The following KIAA1958 variants were observed in gnomAD, a reference collection of about 807,000 sequenced individuals.
KIAA1958 encodes the protein uncharacterized protein KIAA1958.
KIAA1958 carries 14 observed loss-of-function variants against 47.2 expected under a neutral mutation model. The ratio of observed to expected loss-of-function variants is 0.30; its 90% confidence interval spans 0.20 to 0.46. KIAA1958 has a LOEUF of 0.46. KIAA1958 is among the 20% of genes least tolerant of loss of function. The pLI, the probability that KIAA1958 is intolerant of heterozygous loss-of-function variation, is 1.00. For synonymous variants in KIAA1958, 354 were observed against 353.3 expected (o/e 1.00, Z -0.02); for missense variants, 803 against 909.2 (o/e 0.88, Z 1.50).
At chr9:112,491,813 T>A (rs929896388) in intron 1 of KIAA1958, among the ~76,000 whole-genome samples, 2 of 152,204 alleles carry the variant, frequency 1.3e-5, no homozygotes, top group Admixed American at 1.3e-4. Context: ...AACTTTCATT[T>A]CATGCATAGG....
intron 2 of KIAA1958, among the ~76,000 whole-genome samples, chr9:112,623,792 G>A (rs1836551740): frequency 6.6e-6 from 1 of 152,202 alleles, no homozygotes; most frequent in Non-Finnish European, 1.5e-5. Flanking sequence ...AGGCAGGGAA[G>A]TGGGAGGGTC....
chr9:112,614,651 C>T (rs1319246152), intron 2 of KIAA1958, among the ~76,000 whole-genome samples: 1 of 152,136 alleles, frequency 6.6e-6, no homozygotes, highest in East Asian at 1.9e-4. Flanking sequence ...GTAGCTCATT[C>T]CTGGCTATTA....
chr9:112,577,587 G>A (rs1237236253), intron 2 of KIAA1958, among the ~76,000 whole-genome samples: 1 of 149,798 alleles, frequency 6.7e-6, no homozygotes, highest in Admixed American at 6.7e-5. Context: ...TTGCAAAGTG[G>A]TCCAGTGTAC....
intron 1 of KIAA1958, among the ~76,000 whole-genome samples, chr9:112,543,567 CTTTTTTTTTT>C (rs138422704): frequency 9.2e-6 from 1 of 108,180 alleles, no homozygotes; most frequent in Non-Finnish European, 1.9e-5. Context: ...TTCTGAGCTT[CTTTTTTTTTT>C]TTTTTTTTTT....
chr9:112,567,080 T>C (rs1835438853), intron 1 of KIAA1958, among the ~76,000 whole-genome samples: 2 of 152,212 alleles, frequency 1.3e-5, no homozygotes, highest in African/African-American at 4.8e-5. Context: ...GTAACAGTTA[T>C]ACTGGAGTAT....
chr9:112,547,407 A>G (rs1388993603), intron 1 of KIAA1958, among the ~76,000 whole-genome samples: 2 of 149,184 alleles, frequency 1.3e-5, no homozygotes, highest in African/African-American at 4.9e-5. Context: ...AAAAATTCTA[A>G]GTCTCCCCAA....
At chr9:112,655,918 T>C (rs62575225) in intron 3 of KIAA1958, among the ~76,000 whole-genome samples, 12,947 of 152,166 alleles carry the variant, frequency 0.085, 694 homozygotes, top group Non-Finnish European at 0.12. Flanking sequence ...AGAAAGCACA[T>C]AGTTAGATAA....
chr9:112,579,071 G>T, intron 2 of KIAA1958, among the ~76,000 whole-genome samples: 1 of 151,554 alleles, frequency 6.6e-6, no homozygotes. Context: ...AGATTCATAT[G>T]GGTTCTGGAT....
intron 2 of KIAA1958, among the ~76,000 whole-genome samples, chr9:112,637,654 G>A (rs1021667873): frequency 2.0e-5 from 3 of 152,008 alleles, no homozygotes; most frequent in Non-Finnish European, 2.9e-5. Flanking sequence ...GGGATTACAG[G>A]CATGAGCCAC....
At chr9:112,540,127 G>C (rs1298354741) in intron 1 of KIAA1958, among the ~76,000 whole-genome samples, 2 of 152,124 alleles carry the variant, frequency 1.3e-5, no homozygotes, top group African/African-American at 4.8e-5. Context: ...GCATTATTTT[G>C]TAAAATAGTG....
At chr9:112,552,042 G>T (rs374214304) in intron 1 of KIAA1958, among the ~76,000 whole-genome samples, 1 of 152,154 alleles carries the variant, frequency 6.6e-6, no homozygotes, top group Admixed American at 6.5e-5. Context: ...ATACTAGGTG[G>T]GTAGTTTGAA....
chr9:112,533,015 T>C (rs1834777730), intron 1 of KIAA1958, among the ~76,000 whole-genome samples: 1 of 152,074 alleles, frequency 6.6e-6, no homozygotes, highest in Non-Finnish European at 1.5e-5. Flanking sequence ...AATATTCAGG[T>C]AGTACAGCAA....
chr9:112,551,240 A>T (rs185725788), intron 1 of KIAA1958, among the ~76,000 whole-genome samples: 17 of 152,240 alleles, frequency 1.1e-4, no homozygotes, highest in Admixed American at 3.3e-4. Context: ...CCAAACTGAA[A>T]ATTTGATGTG....
intron 3 of KIAA1958, among the ~76,000 whole-genome samples, chr9:112,651,368 A>T (rs185600174): frequency 8.8e-5 from 13 of 148,142 alleles, no homozygotes; most frequent in East Asian, 3.9e-4. Flanking sequence ...CTATATATAT[A>T]TTTTTTATAT....
chr9:112,616,948 T>A (rs1836417123), intron 2 of KIAA1958, among the ~76,000 whole-genome samples: 1 of 152,210 alleles, frequency 6.6e-6, no homozygotes, highest in Admixed American at 6.5e-5. Context: ...AAGATACAGA[T>A]TCCTACACCT....
chr9:112,532,175 G>A (rs1455939635), intron 1 of KIAA1958, among the ~76,000 whole-genome samples: 1 of 152,206 alleles, frequency 6.6e-6, no homozygotes, highest in African/African-American at 2.4e-5. Context: ...AGTAGCTTTT[G>A]TAGGCTGATG....
chr9:112,610,716 C>G (rs1345382238), intron 2 of KIAA1958, among the ~76,000 whole-genome samples: 1 of 152,158 alleles, frequency 6.6e-6, no homozygotes, highest in Non-Finnish European at 1.5e-5. Flanking sequence ...GTGAATTCTA[C>G]CAGAATTTCA....
chr9:112,657,383 T>A (rs1174590269), intron 3 of KIAA1958, among the ~76,000 whole-genome samples: 1 of 152,160 alleles, frequency 6.6e-6, no homozygotes, highest in Non-Finnish European at 1.5e-5. Context: ...TGAGCCACCA[T>A]GCCCAACCCC....
chr9:112,635,840 C>A (rs1046681911), intron 2 of KIAA1958, among the ~76,000 whole-genome samples: 2 of 151,856 alleles, frequency 1.3e-5, no homozygotes, highest in Admixed American at 1.3e-4. Flanking sequence ...TTATAAATTT[C>A]TTTCCCATTT....
Sources: allele counts gnomAD v4.1 joint callset (sites outside exome capture counted in the v4.1 genomes callset), GRCh38; gene constraint gnomAD v4.1.1; transcripts MANE v1.5; gene names NCBI Gene and HGNC (gene_info 2026-07-23, HGNC 2026-07-21).